The following DHX9 variants were observed in gnomAD, a reference collection of about 807,000 sequenced individuals.
DHX9 encodes the protein DExH-box helicase 9.
In DHX9, 27 loss-of-function variants were observed where a neutral mutation model predicts 148.7. The ratio of observed to expected loss-of-function variants is 0.18; its 90% confidence interval spans 0.13 to 0.25. The LOEUF (loss-of-function observed/expected upper bound fraction) is 0.25, where lower values mean the gene tolerates loss of function less well. Ranked by LOEUF, DHX9 falls within the 10% of genes least tolerant of loss-of-function variation. The pLI is 1.00. For missense variants in DHX9, 796 were observed against 1,559.6 expected (o/e 0.51, Z 8.25); for synonymous variants, 529 against 516.6 (o/e 1.02, Z -0.33).
chr1:182,855,618 GA>G, intron 6 of DHX9: 2 of 985,492 alleles, frequency 2.0e-6, no homozygotes, highest in Non-Finnish European at 2.4e-6. Context: ...AAGCCTGGCT[GA>G]GAAACATACT....
Position 182,853,290 on chromosome 1 carries a change from T to C in DHX9, c.365-16T>C. ...ACAGTTATGACTCATTAAGAGAATT[T>C]TTTTTCTTTTAACAGAAAATAATTC... On this transcript the variant is annotated splice_polypyrimidine_tract_variant and intron_variant, in intron 4 of 27. Coordinates refer to ENST00000367549, the MANE Select transcript of DHX9 (RefSeq NM_001357.5). 6.4e-7 allele frequency: 1 copy of C among 1,573,426 alleles called. No homozygotes were observed. The highest frequency in any genetic ancestry group is 8.7e-7 in the Non-Finnish European group (1 of 1,150,150).
intron 6 of DHX9, 118 bp from the exon 7 acceptor site, chr1:182,856,414 T>G: frequency 1.3e-6 from 1 of 754,536 alleles, no homozygotes; most frequent in East Asian, 2.5e-5. Context: ...TAAATGTTGG[T>G]AATTTTTTTT....
In DHX9 at chr1:182,880,415, T is replaced by G. The variant is rs1649034425; in HGVS notation, c.2513-82T>G. On this transcript the variant is annotated intron_variant, in intron 21 of 27. Coordinates refer to ENST00000367549, the MANE Select transcript of DHX9 (RefSeq NM_001357.5). ...ACAAAAGAGGAACTCTAAACTGTCTTAACCTTAATTTAGAGTAATGTTTTG... is the reference window on the plus strand; with the variant it reads ...ACAAAAGAGGAACTCTAAACTGTCTGAACCTTAATTTAGAGTAATGTTTTG... 5.4e-6 allele frequency: 5 copies of G among 918,326 alleles called. No homozygotes were observed. The Admixed American group carries it at 1.0e-4, about 19-fold the overall frequency. The allele number at this position is 918,326 out of a possible 1,614,324, so 56.9% of individuals were successfully genotyped here.
chr1:182,872,012 G>C (rs1162676504), intron 14 of DHX9, among the ~76,000 whole-genome samples: 2 of 152,058 alleles, frequency 1.3e-5, no homozygotes, highest in African/African-American at 4.8e-5. Context: ...CTCCATGTTG[G>C]TCAGGCTGGT....
intron 12 of DHX9, among the ~76,000 whole-genome samples, chr1:182,861,874 A>G (rs115270477): frequency 0.01 from 1,525 of 152,294 alleles, 23 homozygotes; most frequent in African/African-American, 0.032. Flanking sequence ...TTAAAAACCT[A>G]TATTGTGTCC....
intron 12 of DHX9, among the ~76,000 whole-genome samples, chr1:182,865,025 T>C (rs1376153480): frequency 1.3e-5 from 2 of 152,058 alleles, no homozygotes; most frequent in African/African-American, 4.8e-5. Context: ...GAGTCAAATA[T>C]CCTAATATTT....
chr1:182,884,561 C>T, intron 26 of DHX9, 52 bp from the exon 27 acceptor site: 8 of 1,515,520 alleles, frequency 5.3e-6, no homozygotes, highest in Admixed American at 1.8e-5. Flanking sequence ...AGATAATGGT[C>T]TTTTTCTACA....
chr1:182,843,258 A>G (rs747023062), intron 2 of DHX9, 36 bp from the exon 3 acceptor site: 2 of 1,500,330 alleles, frequency 1.3e-6, no homozygotes, highest in Non-Finnish European at 8.8e-7. Context: ...AGAATTACCC[A>G]GGTCAGTCTC....
chr1:182,875,050 C>A, intron 16 of DHX9, 96 bp downstream of exon 16: 1 of 989,004 alleles, frequency 1.0e-6, no homozygotes, highest in Non-Finnish European at 1.6e-6. Context: ...AGCATTACAG[C>A]AAACTTTCTT....
chr1:182,856,188 G>T (rs16859744), intron 6 of DHX9, among the ~76,000 whole-genome samples: 2,699 of 152,230 alleles, frequency 0.018, 84 homozygotes, highest in African/African-American at 0.063. Context: ...TTTATTTCTT[G>T]GCTCCAAGCT....
At chr1:182,847,033 C>T (rs1302293427) in intron 3 of DHX9, among the ~76,000 whole-genome samples, 1 of 152,036 alleles carries the variant, frequency 6.6e-6, no homozygotes, top group Non-Finnish European at 1.5e-5. Flanking sequence ...CTACCTTTTT[C>T]ACTTTTAAAA....
At chr1:182,850,849 C>T (rs905874694) in intron 3 of DHX9, among the ~76,000 whole-genome samples, 7 of 152,164 alleles carry the variant, frequency 4.6e-5, no homozygotes, top group Non-Finnish European at 8.8e-5. Context: ...ACTCTTATAC[C>T]TCACCTATTT....
intron 1 of DHX9, among the ~76,000 whole-genome samples, chr1:182,840,299 C>CTTTT (rs572795237): frequency 0.012 from 1,279 of 105,506 alleles, 113 homozygotes; most frequent in African/African-American, 0.052. Context: ...ATTCTTGCGC[C>CTTTT]TTTTTTTTTT....
intron 6 of DHX9, among the ~76,000 whole-genome samples, chr1:182,856,230 C>G (rs1273053312): frequency 6.6e-6 from 1 of 152,158 alleles, no homozygotes; most frequent in Non-Finnish European, 1.5e-5. Flanking sequence ...TGAATGTGTT[C>G]TAGCTCTTGA....
chr1:182,880,933 C>A (rs2102619449), intron 22 of DHX9, among the ~76,000 whole-genome samples: 1 of 152,146 alleles, frequency 6.6e-6, no homozygotes, highest in East Asian at 1.9e-4. Flanking sequence ...AATAGTTGGT[C>A]TTGAAAGAGC....
chr1:182,880,460 C>A, intron 21 of DHX9, 37 bp from the exon 22 acceptor site: 1 of 1,373,748 alleles, frequency 7.3e-7, no homozygotes. Context: ...AATTAGTGTT[C>A]ATTTGTTTCT....
intron 19 of DHX9, 171 bp from the exon 20 acceptor site, chr1:182,877,850 A>G (rs1648884810): frequency 1.3e-6 from 1 of 755,120 alleles, no homozygotes; most frequent in Non-Finnish European, 2.1e-6. Context: ...TAGGTTGACA[A>G]CTAGGAGTTT....
intron 6 of DHX9, 87 bp downstream of exon 6, chr1:182,854,265 G>A (rs747985874): frequency 1.1e-5 from 14 of 1,253,290 alleles, no homozygotes; most frequent in African/African-American, 1.5e-5. Context: ...TTTGTACGTT[G>A]TCTGGTTAAT....
intron 2 of DHX9, among the ~76,000 whole-genome samples, chr1:182,842,887 TCTTCCTCAG>T (rs1667957289): frequency 6.6e-6 from 1 of 152,246 alleles, no homozygotes; most frequent in Admixed American, 6.5e-5. Flanking sequence ...AGAGCCTATA[TCTTCCTCAG>T]CTTCCTCAGT....
Sources: allele counts gnomAD v4.1 joint callset (sites outside exome capture counted in the v4.1 genomes callset), GRCh38; gene constraint gnomAD v4.1.1; transcripts MANE v1.5; gene names NCBI Gene and HGNC (gene_info 2026-07-23, HGNC 2026-07-21).